Variants in KAZN observed in about 807,000 individuals in gnomAD.
KAZN encodes the protein kazrin, periplakin interacting protein.
KAZN carries 40 observed loss-of-function variants against 87.4 expected under a neutral mutation model. That is an observed-to-expected ratio of 0.46 (90% CI 0.36 to 0.60). The LOEUF is 0.60. Among genes scored for constraint, KAZN ranks in the 20% least tolerant of loss-of-function variants. KAZN has a pLI of 0.00. For missense variants in KAZN, 898 were observed against 1,073.9 expected (o/e 0.84, Z 2.29); for synonymous variants, 466 against 458.3 (o/e 1.02, Z -0.22).
intron 1 of KAZN, among the ~76,000 whole-genome samples, chr1:14,003,729 C>T (rs1039496960): frequency 1.3e-5 from 2 of 151,952 alleles, no homozygotes; most frequent in African/African-American, 4.8e-5. Context: ...CAAAAGCAAG[C>T]AAAAACAAAA....
chr1:14,663,001 C>T (rs944286322), intron 1 of KAZN, among the ~76,000 whole-genome samples: 13 of 148,598 alleles, frequency 8.7e-5, no homozygotes, highest in Admixed American at 8.7e-4. Flanking sequence ...GGGGGGATCT[C>T]ACTGTGTTGC....
At chr1:14,808,756 A>G (rs1461815944) in intron 1 of KAZN, among the ~76,000 whole-genome samples, 9 of 152,210 alleles carry the variant, frequency 5.9e-5, no homozygotes, top group Non-Finnish European at 1.3e-4. Flanking sequence ...TACCCAACAG[A>G]GTCTTAAACA....
At chr1:14,691,574 C>T (rs1641311638) in intron 1 of KAZN, among the ~76,000 whole-genome samples, 1 of 152,126 alleles carries the variant, frequency 6.6e-6, no homozygotes, top group Admixed American at 6.6e-5. Flanking sequence ...GAAAATTCCG[C>T]CTCCTGGGTT....
chr1:14,427,513 A>AACACAC (rs141037257), intron 2 of KAZN, among the ~76,000 whole-genome samples: 2,796 of 150,382 alleles, frequency 0.019, 37 homozygotes, highest in African/African-American at 0.042. Context: ...CTATAATTTA[A>AACACAC]ACACACACAC....
intron 1 of KAZN, among the ~76,000 whole-genome samples, chr1:14,164,493 G>T: frequency 8.0e-6 from 1 of 124,384 alleles, no homozygotes. Context: ...TGTAAATCTA[G>T]CCTCAAAAGT....
chr1:14,249,033 T>A (rs927003469), intron 2 of KAZN, among the ~76,000 whole-genome samples: 1 of 152,170 alleles, frequency 6.6e-6, no homozygotes, highest in African/African-American at 2.4e-5. Context: ...GCACCAGATA[T>A]ATGAGTAAAG....
At chr1:14,968,244 C>T (rs1664661526) in intron 2 of KAZN, among the ~76,000 whole-genome samples, 1 of 152,084 alleles carries the variant, frequency 6.6e-6, no homozygotes, top group African/African-American at 2.4e-5. Context: ...GGATCCCTCA[C>T]ATGCGCAGTT....
At chr1:14,633,609 G>A (rs777373841) in intron 1 of KAZN, among the ~76,000 whole-genome samples, 17 of 152,062 alleles carry the variant, frequency 1.1e-4, no homozygotes, top group South Asian at 2.1e-4. Context: ...TGTGTTCCTC[G>A]AAGCCGCTAA....
chr1:14,683,879 C>A (rs1178075813), intron 1 of KAZN, among the ~76,000 whole-genome samples: 1 of 152,200 alleles, frequency 6.6e-6, no homozygotes, highest in Non-Finnish European at 1.5e-5. Flanking sequence ...CCCTACCTAG[C>A]ACATAGTAGG....
intron 2 of KAZN, among the ~76,000 whole-genome samples, chr1:14,220,327 C>T (rs1271479332): frequency 1.3e-5 from 2 of 152,156 alleles, no homozygotes; most frequent in Non-Finnish European, 2.9e-5. Context: ...CAACCAAATC[C>T]TTCTCGTGAC....
At chr1:14,946,737 A>G (rs1661847111) in intron 1 of KAZN, among the ~76,000 whole-genome samples, 1 of 152,112 alleles carries the variant, frequency 6.6e-6, no homozygotes, top group Non-Finnish European at 1.5e-5. Flanking sequence ...GACTGTCAGC[A>G]TGCCTTACTC....
At chr1:14,169,336 G>A (rs763171587) in intron 1 of KAZN, among the ~76,000 whole-genome samples, 14 of 151,476 alleles carry the variant, frequency 9.2e-5, no homozygotes, top group Non-Finnish European at 2.1e-4. Flanking sequence ...CTCTTCTCTT[G>A]TTGTCTCTCC....
At chr1:14,057,063 T>A (rs1370170534) in intron 1 of KAZN, among the ~76,000 whole-genome samples, 4 of 141,838 alleles carry the variant, frequency 2.8e-5, no homozygotes, top group African/African-American at 8.5e-5. Context: ...AAAAAAAAAA[T>A]CACTTGCTTA....
intron 2 of KAZN, among the ~76,000 whole-genome samples, chr1:14,593,252 G>A (rs1249537169): frequency 1.3e-5 from 2 of 152,172 alleles, no homozygotes; most frequent in African/African-American, 2.4e-5. Flanking sequence ...TGAGAGTAGC[G>A]AGAATATTTG....
chr1:14,480,509 G>C (rs1222202548), intron 2 of KAZN, among the ~76,000 whole-genome samples: 3 of 149,976 alleles, frequency 2.0e-5, no homozygotes, highest in Non-Finnish European at 3.0e-5. Context: ...CCTTTACGTT[G>C]ACAAAATATT....
chr1:14,317,311 C>T (rs1306571311), intron 2 of KAZN, among the ~76,000 whole-genome samples: 2 of 151,806 alleles, frequency 1.3e-5, no homozygotes, highest in African/African-American at 4.8e-5. Context: ...TTTTCAAAAG[C>T]CTATTTCATT....
chr1:14,124,596 A>G (rs997735868), intron 1 of KAZN, among the ~76,000 whole-genome samples: 2 of 152,218 alleles, frequency 1.3e-5, no homozygotes, highest in Non-Finnish European at 2.9e-5. Flanking sequence ...AAAAGAAGGA[A>G]AGATCTTTTC....
intron 1 of KAZN, among the ~76,000 whole-genome samples, chr1:14,660,156 C>T (rs886655347): frequency 1.3e-5 from 2 of 152,110 alleles, no homozygotes; most frequent in African/African-American, 2.4e-5. Context: ...GATGCCCAAG[C>T]GGGAGCTCTA....
At chr1:14,752,822 C>T (rs1436692559) in intron 1 of KAZN, among the ~76,000 whole-genome samples, 1 of 152,158 alleles carries the variant, frequency 6.6e-6, no homozygotes, top group Non-Finnish European at 1.5e-5. Context: ...CATCCTTTTT[C>T]CACCACCACA....
Sources: allele counts gnomAD v4.1 joint callset (sites outside exome capture counted in the v4.1 genomes callset), GRCh38; gene constraint gnomAD v4.1.1; transcripts MANE v1.5; gene names NCBI Gene and HGNC (gene_info 2026-07-23, HGNC 2026-07-21).